Variants in HACE1 observed in about 807,000 individuals in gnomAD.
HACE1 encodes the protein E3 ubiquitin-protein ligase HACE1.
Under a neutral mutation model 118.4 loss-of-function variants are expected in HACE1, and 73 were observed. The ratio of observed to expected loss-of-function variants is 0.62; its 90% confidence interval spans 0.51 to 0.75. HACE1 has a LOEUF of 0.75. Among genes scored for constraint, HACE1 ranks in the 30% least tolerant of loss-of-function variants. The pLI, the probability that HACE1 is intolerant of heterozygous loss-of-function variation, is 0.00. For synonymous variants in HACE1, 368 were observed against 374.8 expected, an observed-to-expected ratio of 0.98 and a Z score of 0.21; for missense variants, 749 against 1,102.2, an observed-to-expected ratio of 0.68 and a Z score of 4.54.
chr6:104,831,980 G>GAGGAAGGAAGGAAGGA (rs71276551), intron 6 of HACE1, among the ~76,000 whole-genome samples: 41 of 62,912 alleles, frequency 6.5e-4, no homozygotes, highest in African/African-American at 1.7e-3. Flanking sequence ...GAAGAGAAGA[G>GAGGAAGGAAGGAAGGA]AGGAAGGAAG....
chr6:104,817,632 G>C (rs1288337467), intron 6 of HACE1, among the ~76,000 whole-genome samples: 1 of 152,200 alleles, frequency 6.6e-6, no homozygotes, highest in Non-Finnish European at 1.5e-5. Flanking sequence ...ACTATCCAAT[G>C]AATCTGTCTT....
At chr6:104,786,826 C>G (rs1782469204) in intron 11 of HACE1, 1 of 152,082 alleles carries the variant, frequency 6.6e-6, no homozygotes, top group South Asian at 2.1e-4. Flanking sequence ...CAGAATGCTA[C>G]AAACTACACC....
rs932079809 is a variant in HACE1, at chr6:104,735,573, G to C, written c.2514-5157C>G. 6.6e-5 allele frequency among the ~76,000 whole-genome samples: 10 copies of C among 152,054 alleles called. 1 individual carries two copies. The highest frequency in any genetic ancestry group is 5.2e-4 in the Admixed American group (8 of 15,268). On this transcript the variant is annotated intron_variant, in intron 22 of 23. Coordinates refer to ENST00000262903, the MANE Select transcript of HACE1 (RefSeq NM_020771.4). ...GTGAACCCAGGAGGCGCAGCTTACA[G>C]TGAGCCGAGATGGCGCCAGTGCACT...
chr6:104,752,494 G>C (rs945336414), intron 19 of HACE1, among the ~76,000 whole-genome samples: 2 of 151,624 alleles, frequency 1.3e-5, no homozygotes, highest in African/African-American at 4.8e-5. Context: ...TATTTTTTAA[G>C]ATGCCAGGAA....
chr6:104,857,666 A>C (rs1207960556), intron 1 of HACE1, among the ~76,000 whole-genome samples: 1 of 151,932 alleles, frequency 6.6e-6, no homozygotes, highest in Non-Finnish European at 1.5e-5. Context: ...AAAAAAAAAA[A>C]CATTTGGGGC....
At chr6:104,857,702 TCC>T (rs1178778090) in intron 1 of HACE1, among the ~76,000 whole-genome samples, 6 of 149,258 alleles carry the variant, frequency 4.0e-5, no homozygotes, top group South Asian at 2.1e-4. Flanking sequence ...ACGCCTGTAA[TCC>T]CCCAGCACTT....
intron 6 of HACE1, among the ~76,000 whole-genome samples, chr6:104,819,256 G>A (rs992587211): frequency 6.6e-6 from 1 of 152,068 alleles, no homozygotes; most frequent in Non-Finnish European, 1.5e-5. Context: ...GTCAAGCTGA[G>A]AGCCAAGTCA....
chr6:104,825,368 G>A (rs1381354414), intron 6 of HACE1, among the ~76,000 whole-genome samples: 2 of 152,052 alleles, frequency 1.3e-5, no homozygotes, highest in East Asian at 1.9e-4. Flanking sequence ...CCAATCAGAC[G>A]TTTGCATAGG....
intron 7 of HACE1, among the ~76,000 whole-genome samples, chr6:104,801,765 T>C (rs1770382270): frequency 6.6e-6 from 1 of 152,132 alleles, no homozygotes; most frequent in Non-Finnish European, 1.5e-5. Flanking sequence ...CATGCCAAAT[T>C]GTGAAGACCA....
chr6:104,782,988 C>G (rs1388229478), intron 14 of HACE1, among the ~76,000 whole-genome samples: 2 of 152,150 alleles, frequency 1.3e-5, no homozygotes, highest in African/African-American at 2.4e-5. Flanking sequence ...TCCTAACAGC[C>G]TAGCAAACAA....
At chr6:104,785,403 A>G in intron 11 of HACE1, 84 bp from the exon 12 acceptor site, 1 of 789,680 alleles carries the variant, frequency 1.3e-6, no homozygotes, top group Non-Finnish European at 2.1e-6. Flanking sequence ...CTAGACAAAT[A>G]TTATAGAAGA....
In HACE1 at chr6:104,859,778, A is replaced by T; in HGVS notation, c.-136T>A. On this transcript the variant is annotated 5_prime_UTR_variant, in exon 1 of 24. Coordinates refer to ENST00000262903, the MANE Select transcript of HACE1 (RefSeq NM_020771.4). ...GCCCCGGCTAGAGCACTGAGCTGCG[A>T]GGGCTGCCTGGGGCCACGTCCTGCG... 2 of 795,438 alleles carry T rather than the reference A, an allele frequency of 2.5e-6. No homozygotes were observed. The highest frequency in any genetic ancestry group is 3.8e-6 in the Non-Finnish European group (2 of 523,272). The allele number at this position is 795,438 out of a possible 1,614,324, so 49.3% of individuals were successfully genotyped here. A position where few individuals can be genotyped will look rare whatever the true frequency, so the allele number is the denominator to read the frequency against.
intron 5 of HACE1, among the ~76,000 whole-genome samples, chr6:104,836,670 G>A (rs746642855): frequency 4.6e-5 from 7 of 152,078 alleles, no homozygotes; most frequent in Admixed American, 6.5e-5. Flanking sequence ...CTGAGATTGC[G>A]CCACTGCACT....
chr6:104,773,853 TAA>T (rs1161414651), intron 17 of HACE1, among the ~76,000 whole-genome samples: 6 of 151,696 alleles, frequency 4.0e-5, no homozygotes, highest in Non-Finnish European at 5.9e-5. Flanking sequence ...TAAATAGAAT[TAA>T]AAGTTTATGA....
rs955464027 is a variant in HACE1 at position 104,777,284 on chromosome 6, G to A, written c.1600C>T (p.His534Tyr). Residue 534 changes from histidine to tyrosine, a missense_variant, in exon 15 of 24, where the codon CAT becomes TAT. His to Tyr is a moderately conservative substitution (Grantham distance 83). Around this residue, in one of 5 missense-constraint regions of HACE1, gnomAD observed 195 missense variants for 322.1 expected, o/e 0.61. Transcript: ENST00000262903. ...FKDRCEWFYEHLHSGQPDSDM... is the reference protein window; with the variant it reads ...FKDRCEWFYEYLHSGQPDSDM... Reference sequence around the variant, plus strand: ...GAATCTGGCTGTCCTGAATGCAAATGTTCATAGAACCATTCACAGCGATCT... The same window carrying A: ...GAATCTGGCTGTCCTGAATGCAAATATTCATAGAACCATTCACAGCGATCT... 4 of 1,613,064 alleles carry A rather than the reference G, an allele frequency of 2.5e-6. No homozygotes were observed. Among genetic ancestry groups the A allele is most frequent in the African/African-American group, 2.7e-5 (2 of 75,048 alleles).
intron 3 of HACE1, among the ~76,000 whole-genome samples, chr6:104,849,504 A>ATTTT (rs11380259): frequency 2.9e-5 from 4 of 137,270 alleles, no homozygotes; most frequent in Non-Finnish European, 3.1e-5. Context: ...CAATTGGGTA[A>ATTTT]TTTTTTTTTT....
rs1177876499 is a variant in HACE1 at position 104,811,242 on chromosome 6, T to TATATATA, written c.617+68_617+69insTATATAT. 8.1e-3 allele frequency: 1,549 copies of TATATATA among 192,012 alleles called. 45 individuals carry two copies. Among genetic ancestry groups the TATATATA allele is most frequent in the African/African-American group, 0.043 (1,143 of 26,406 alleles). The allele number at this position is 192,012 out of a possible 1,614,324, so 11.9% of individuals were successfully genotyped here. A position where few individuals can be genotyped will look rare whatever the true frequency, so the allele number is the denominator to read the frequency against. ...TCTGGAAATATATATATTTCTTTAT[T>TATATATA]TATACATATATATATATATATATAT... is the stretch of plus-strand genomic sequence containing the variant. On this transcript the variant is annotated intron_variant, in intron 7 of 23. Transcript: ENST00000262903.
intron 19 of HACE1, among the ~76,000 whole-genome samples, chr6:104,770,212 AG>A (rs1205391967): frequency 6.6e-6 from 1 of 152,048 alleles, no homozygotes; most frequent in African/African-American, 2.4e-5. Flanking sequence ...ACAAAAAGGG[AG>A]GGGGGCAGTT....
chr6:104,800,699 C>G (rs7761246), intron 7 of HACE1, among the ~76,000 whole-genome samples: 5,058 of 152,274 alleles, frequency 0.033, 287 homozygotes, highest in African/African-American at 0.12. Context: ...CACAACAAAA[C>G]TTAATCTGTA....
Sources: gnomAD v4.1 joint callset for allele counts (sites outside exome capture counted in the v4.1 genomes callset) on GRCh38, gnomAD v4.1.1 for gene constraint, gnomAD v4.1.1 regional missense constraint, MANE v1.5 for transcripts, NCBI Gene and HGNC (gene_info 2026-07-23, HGNC 2026-07-21) for gene names.